Variants in MKI67 observed in about 807,000 individuals in gnomAD.
The protein encoded by MKI67 is marker of proliferation Ki-67.
MKI67 carries 152 observed loss-of-function variants against 233.5 expected under a neutral mutation model. The observed-to-expected ratio is 0.65, with a 90% CI of 0.57 to 0.74. The LOEUF (loss-of-function observed/expected upper bound fraction) is 0.74. Among genes scored for constraint, MKI67 ranks in the 30% least tolerant of loss-of-function variants. MKI67 has a pLI of 0.00. For missense variants in MKI67, 3,940 were observed against 3,885.2 expected, an observed-to-expected ratio of 1.01 and a Z score of -0.37; for synonymous variants, 1,465 against 1,418.5, an observed-to-expected ratio of 1.03 and a Z score of -0.74.
In MKI67 at chr10:128,109,277, C is replaced by T. The variant is rs1324087596; in HGVS notation, c.2563G>A (p.Glu855Lys). 4 of 1,614,154 alleles carry T rather than the reference C, an allele frequency of 2.5e-6. No individual in the cohort carries two copies. Among genetic ancestry groups the T allele is most frequent in the Non-Finnish European group, 3.4e-6 (4 of 1,180,034 alleles). ...GTCTCAGTATCTGAAGTTTTTGTCT[C>T]CAGAGAAGTCATTTTGTAGGTGTTC... ...PRNTYKMTSL[E>K]TKTSDTETEP... is the part of the protein sequence containing the mutation. Residue 855 changes from glutamate to lysine, a missense_variant, in exon 13 of 15, where the codon GAG becomes AAG. Transcript: ENST00000368654.
intron 4 of MKI67, among the ~76,000 whole-genome samples, chr10:128,121,453 T>C (rs1211928009): frequency 7.1e-6 from 1 of 139,918 alleles, no homozygotes; most frequent in Non-Finnish European, 1.5e-5. Flanking sequence ...ATACAGTATA[T>C]ACTATATGGT....
Position 128,107,607 on chromosome 10 carries a change from T to C in MKI67, c.4233A>G (p.Thr1411=). 1.2e-6 allele frequency: 2 copies of C among 1,614,208 alleles called. No individual in the cohort carries two copies. Among genetic ancestry groups the C allele is most frequent in the Non-Finnish European group, 1.7e-6 (2 of 1,180,036 alleles). Residue 1411 remains threonine, a synonymous_variant, in exon 13 of 15, where the codon ACA becomes ACG. Coordinates refer to ENST00000368654, the MANE Select transcript of MKI67 (RefSeq NM_002417.5). The part of the protein sequence containing the change: ...QKELSALKKL[T]QTSGETTHTD... ...TGTGTGTGGTTTCCCCTGATGTCTG[T>C]GTGAGCTTCTTCAGGGCTGAGAGCT...
rs954548136 is a variant in MKI67, at chr10:128,104,502, T to C, written c.7338A>G (p.Thr2446=). The C allele has an allele frequency of 2.5e-6, 4 of 1,614,232 alleles. No homozygotes were observed. The highest frequency in any genetic ancestry group is 3.4e-6 in the Non-Finnish European group (4 of 1,180,048). Residue 2446 remains threonine, a synonymous_variant, in exon 13 of 15, where the codon ACA becomes ACG. Transcript: ENST00000368654. ...TCATTGATTCCTCAGTGTGACCTGG[T>C]GTCTGGAAGAGTTCTTTGAAGCCAA... ...DLVGFKELFQ[T]PGHTEESMTD...
intron 12 of MKI67, 50 bp downstream of exon 12, chr10:128,110,328 G>A: frequency 7.1e-7 from 1 of 1,415,882 alleles, no homozygotes; most frequent in Non-Finnish European, 9.5e-7. Context: ...AAATAATACT[G>A]TATGTTCCTA....
rs1435987243 is a variant in MKI67, at chr10:128,123,105, T to C, written c.157A>G (p.Ile53Val). Residue 53 changes from isoleucine (I) to valine (V), a missense_variant, in exon 3 of 15, where the codon ATC becomes GTC. Transcript: ENST00000368654. Reference sequence around the variant, plus strand: ...AACCCACTCACCTCCTGCTCATGGATTTCAATTTTGCAATGTTGTTTTGAC... The same window carrying C: ...AACCCACTCACCTCCTGCTCATGGACTTCAATTTTGCAATGTTGTTTTGAC... The part of the protein sequence containing the change: ...VVSKQHCKIE[I>V]HEQEAILHNF... 4 of 1,613,756 alleles carry C rather than the reference T, an allele frequency of 2.5e-6. No individual in the cohort carries two copies. In the Admixed American group the frequency reaches 6.7e-5, roughly 27 times the overall value.
rs770317602 is a variant in MKI67 at position 128,104,746 on chromosome 10, C to T, written c.7094G>A (p.Arg2365Lys). Residue 2365 changes from arginine (R) to lysine (K), a missense_variant, in exon 13 of 15, where the codon AGG (arginine) becomes AAG (lysine). By Grantham distance (26) the Arg-to-Lys change is conservative. Transcript: ENST00000368654. The part of the protein sequence containing the change: ...STKQRPKRNL[R>K]KADVEEEFLA... Reference sequence around the variant, plus strand: ...AAATTCTTCCTCTACGTCTGCTTTCCTGAGGTTTCTCTTGGGCCGTTGCTT... The same window carrying T: ...AAATTCTTCCTCTACGTCTGCTTTCTTGAGGTTTCTCTTGGGCCGTTGCTT... The T allele has an allele frequency of 1.5e-5, 25 of 1,613,390 alleles. No individual in the cohort carries two copies. Among genetic ancestry groups the T allele is most frequent in the Middle Eastern group, 3.3e-4 (2 of 6,080 alleles).
chr10:128,105,309 G>C lies in MKI67; in HGVS notation c.6531C>G (p.Ser2177Arg), dbSNP rs1413007767. ...KLDPAASVTG[S>R]KRQPRTPKGK... ...CCTTAGGAGTTCTTGGCTGCCTCTT[G>C]CTACCAGTTACACTTGCTGCTGGGT... The change falls in exon 13 of 15, where the codon AGC (serine) becomes AGG (arginine). Residue 2177 changes from serine (S) to arginine (R), a missense_variant. Ser to Arg is a moderately radical substitution (Grantham distance 110). Coordinates refer to ENST00000368654, the MANE Select transcript of MKI67 (RefSeq NM_002417.5). The C allele has an allele frequency of 1.2e-6, 2 of 1,613,966 alleles. No individual in the cohort carries two copies. The highest frequency in any genetic ancestry group is 2.2e-5 in the East Asian group (1 of 44,884).
At chr10:128,114,329 C>A (rs1344185781) in intron 7 of MKI67, among the ~76,000 whole-genome samples, 1 of 152,148 alleles carries the variant, frequency 6.6e-6, no homozygotes, top group Non-Finnish European at 1.5e-5. Flanking sequence ...TCCTGACTGG[C>A]CTTGGGTTGT....
Position 128,101,448 on chromosome 10 carries a change from T to C in MKI67, c.9515A>G (p.Glu3172Gly). ...CTTCGCACTCTTCTGCCCTCCGCTC[T>C]CCTCTGCCACCTTAGGCTGGGAGCT... ...NESSQPKVAE[E>G]SGGQKSAKVL... The change falls in exon 14 of 15, where the codon GAG (glutamate) becomes GGG (glycine). Residue 3172 changes from glutamate to glycine, a missense_variant. Physicochemically the swap from Glu to Gly is moderately conservative, Grantham distance 98 (BLOSUM62 -2). Coordinates refer to ENST00000368654, the MANE Select transcript of MKI67 (RefSeq NM_002417.5). The C allele has an allele frequency of 6.2e-7, 1 of 1,614,224 alleles. No individual in the cohort carries two copies. Among genetic ancestry groups the C allele is most frequent in the Non-Finnish European group, 8.5e-7 (1 of 1,180,028 alleles).
In MKI67 at chr10:128,105,777, C is replaced by T. The variant is rs746293933; in HGVS notation, c.6063G>A (p.Thr2021=). The change falls in exon 13 of 15, where the codon ACG becomes ACA. Residue 2021 remains threonine (T), a synonymous_variant. Coordinates refer to ENST00000368654, the MANE Select transcript of MKI67 (RefSeq NM_002417.5). The stretch of plus-strand genomic sequence containing the variant: ...TGTGTGTCTGTGTGGTCTTCCCTGA[C>T]GTCTGTGTGAGCTTGCCGACTGGTA... ...EVLPVGKLTQ[T]SGKTTQTHRE... 6.4e-5 allele frequency: 104 copies of T among 1,614,010 alleles called. No homozygotes were observed. The South Asian group carries it at 9.3e-4, about 14-fold the overall frequency.
In MKI67 at chr10:128,125,539, C is replaced by G. The variant is rs1442570110; in HGVS notation, c.92+37G>C. 6.4e-7 allele frequency: 1 copy of G among 1,550,474 alleles called. No homozygotes were observed. The highest frequency in any genetic ancestry group is 8.9e-7 in the Non-Finnish European group (1 of 1,124,102). On this transcript the variant is annotated intron_variant, in intron 2 of 14. Transcript: ENST00000368654. The surrounding 1 kb of genome is among the most constrained non-coding windows in gnomAD (Gnocchi z 5.3). Reference sequence around the variant, plus strand: ...CTGTGACTAAGGTATTTTCCTCTTTCTCAGCTAAAACGTCCGCGCGCGCCC... The same window carrying G: ...CTGTGACTAAGGTATTTTCCTCTTTGTCAGCTAAAACGTCCGCGCGCGCCC...
chr10:128,115,234 G>T lies in MKI67; in HGVS notation c.1174C>A (p.Pro392Thr). ...GFKAGDKTLT[P>T]RKLSTRNRTP... is the part of the protein sequence containing the mutation. ...CGATTTCTAGTTGAAAGCTTCCTGG[G>T]AGTAAGAGTTTTATCACCAGCCTTG... Residue 392 changes from proline (P) to threonine (T), a missense_variant, in exon 7 of 15, where the codon CCC becomes ACC. Coordinates refer to ENST00000368654, the MANE Select transcript of MKI67 (RefSeq NM_002417.5). 1 of 1,614,200 alleles carries T rather than the reference G, an allele frequency of 6.2e-7. No homozygotes were observed. The highest frequency in any genetic ancestry group is 2.2e-5 in the East Asian group (1 of 44,886).
Position 128,099,822 on chromosome 10 carries a change from C to T in MKI67, c.9706-567G>A, listed in dbSNP as rs551239931. On this transcript the variant is annotated intron_variant, in intron 14 of 14. Coordinates refer to ENST00000368654, the MANE Select transcript of MKI67 (RefSeq NM_002417.5). Reference sequence around the variant, plus strand: ...GACTACCGACACCCACCGAAGAGCTCGGCAAAGAGGAGCATGTGTGTGTTG... The same window carrying T: ...GACTACCGACACCCACCGAAGAGCTTGGCAAAGAGGAGCATGTGTGTGTTG... Among the ~76,000 whole-genome samples, 12 of 152,288 alleles carry T rather than the reference C, an allele frequency of 7.9e-5. No homozygotes were observed. The South Asian group carries it at 1.5e-3, about 18-fold the overall frequency.
chr10:128,111,737 T>C lies in MKI67; in HGVS notation c.2168A>G (p.His723Arg), dbSNP rs577763591. ...SPCTIIIGKAHTEKVHVPARP... is the reference protein window; with the variant it reads ...SPCTIIIGKARTEKVHVPARP... ...AGCAGGCACATGTACTTTTTCAGTA[T>C]GAGCTTTCCCTATTATTATGGTACA... The change falls in exon 11 of 15, where the codon CAT becomes CGT. Residue 723 changes from histidine to arginine, a missense_variant. Transcript: ENST00000368654. The C allele has an allele frequency of 3.1e-6, 5 of 1,611,332 alleles. No homozygotes were observed. Among genetic ancestry groups the C allele is most frequent in the East Asian group, 4.5e-5 (2 of 44,870 alleles).
chr10:128,109,400 G>T lies in MKI67; in HGVS notation c.2440C>A (p.Gln814Lys), dbSNP rs1453880619. ...SFGGNVFFSA[Q>K]NAAKQPSDKC... Reference sequence around the variant, plus strand: ...TCAGATGGCTGTTTTGCTGCATTCTGTGCACTGAAGAACACATTTCCTCCT... The same window carrying T: ...TCAGATGGCTGTTTTGCTGCATTCTTTGCACTGAAGAACACATTTCCTCCT... The change falls in exon 13 of 15, where the codon CAG (glutamine) becomes AAG (lysine). Residue 814 changes from glutamine (Q) to lysine (K), a missense_variant. By Grantham distance (53) the Gln-to-Lys change is moderately conservative (BLOSUM62 1). Transcript: ENST00000368654. The T allele has an allele frequency of 6.2e-7, 1 of 1,611,948 alleles. No homozygotes were observed. The highest frequency in any genetic ancestry group is 1.1e-5 in the South Asian group (1 of 90,986).
In MKI67 at chr10:128,104,663, C is replaced by A; in HGVS notation, c.7177G>T (p.Ala2393Ser). ...AGKAMDTPKPAVSDEKNINTF... is the reference protein window; with the variant it reads ...AGKAMDTPKPSVSDEKNINTF... ...TTGATATTTTTCTCATCACTTACTG[C>A]TGGTTTTGGTGTGTCCATGGCTTTG... Residue 2393 changes from alanine (A) to serine (S), a missense_variant, in exon 13 of 15, where the codon GCA becomes TCA. Transcript: ENST00000368654. The A allele has an allele frequency of 6.2e-7, 1 of 1,613,698 alleles. No individual in the cohort carries two copies. Among genetic ancestry groups the A allele is most frequent in the Non-Finnish European group, 8.5e-7 (1 of 1,179,964 alleles).
At position 128,115,348 on chromosome 10, in the gene MKI67, G is replaced by A; in HGVS notation, c.1060C>T (p.Gln354Ter). The A allele has an allele frequency of 6.2e-7, 1 of 1,614,118 alleles. No homozygotes were observed. The highest frequency in any genetic ancestry group is 8.5e-7 in the Non-Finnish European group (1 of 1,180,010). The change falls in exon 7 of 15, where the codon CAA (glutamine) becomes TAA (stop). Residue 354 changes from glutamine to a stop codon, truncating the protein, a stop_gained. Coordinates refer to ENST00000368654, the MANE Select transcript of MKI67 (RefSeq NM_002417.5). LOFTEE classifies it high-confidence loss of function. ...TTATGTTTTTGTGGAGAATTTTGTT[G>A]CTGTGAATATTGTACAGGGGTCTTC... Reference protein sequence around the residue: ...KMKTPVQYSQQQNSPQKHKNK... With the variant: ...KMKTPVQYSQ
At position 128,109,011 on chromosome 10, in the gene MKI67, T is replaced by C. The variant is rs764062031; in HGVS notation, c.2829A>G (p.Glu943=). The change falls in exon 13 of 15, where the codon GAA becomes GAG. Residue 943 remains glutamate (E), a synonymous_variant. Coordinates refer to ENST00000368654, the MANE Select transcript of MKI67 (RefSeq NM_002417.5). ...TTGATCTCTTCATTGCTTTCATCTT[T>C]TCATCGTTTTCTTTTAATTCAATAT... is the stretch of plus-strand genomic sequence containing the variant. The part of the protein sequence containing the change: ...KENIELKEND[E]KMKAMKRSRT... 3.7e-6 allele frequency: 6 copies of C among 1,614,096 alleles called. No individual in the cohort carries two copies. In the Admixed American group the frequency reaches 5.0e-5, roughly 13 times the overall value.
intron 4 of MKI67, among the ~76,000 whole-genome samples, chr10:128,121,508 T>C (rs949170349): frequency 1.1e-5 from 1 of 87,264 alleles, no homozygotes; most frequent in African/African-American, 5.0e-5. Flanking sequence ...ATATAACATA[T>C]AGTATATACT....
Sources: allele counts gnomAD v4.1 joint callset (sites outside exome capture counted in the v4.1 genomes callset), GRCh38; gene constraint gnomAD v4.1.1; non-coding constraint Gnocchi (gnomAD v3.1); transcripts MANE v1.5; gene names NCBI Gene and HGNC (gene_info 2026-07-23, HGNC 2026-07-21).